Variants in IMMP2L observed in about 807,000 individuals in gnomAD.
IMMP2L encodes mitochondrial inner membrane protease subunit 2.
Under a neutral mutation model 19.3 loss-of-function variants are expected in IMMP2L, and 18 were observed. That is an observed-to-expected ratio of 0.93 (90% CI 0.64 to 1.38). The LOEUF is 1.38. Among genes scored for constraint, IMMP2L ranks in the 40% most tolerant of loss-of-function variants. The pLI is 0.00. For synonymous variants in IMMP2L, 76 were observed against 73.0 expected, an observed-to-expected ratio of 1.04 and a Z score of -0.21; for missense variants, 233 against 218.2, an observed-to-expected ratio of 1.07 and a Z score of -0.43.
chr7:111,530,093 C>T (rs779312221), intron 1 of IMMP2L, among the ~76,000 whole-genome samples: 22 of 152,104 alleles, frequency 1.4e-4, no homozygotes, highest in Non-Finnish European at 3.2e-4. Flanking sequence ...ACCTGGTGGG[C>T]TTTGAATCCA....
chr7:110,875,966 T>A (rs1246035648), intron 5 of IMMP2L, among the ~76,000 whole-genome samples: 2 of 152,130 alleles, frequency 1.3e-5, no homozygotes, highest in Non-Finnish European at 2.9e-5. Flanking sequence ...TACAGTAACT[T>A]CATTTAAAGG....
chr7:111,539,461 G>C (rs994397658), intron 1 of IMMP2L, among the ~76,000 whole-genome samples: 1 of 151,938 alleles, frequency 6.6e-6, no homozygotes, highest in Admixed American at 6.6e-5. Context: ...CCAATTAACA[G>C]CTGATTTTTA....
intron 3 of IMMP2L, among the ~76,000 whole-genome samples, chr7:111,109,770 C>T (rs559082809): frequency 7.9e-5 from 12 of 152,248 alleles, no homozygotes; most frequent in Admixed American, 5.2e-4. Context: ...ACTGTGACTA[C>T]TATCGCTGTT....
At chr7:111,230,316 T>C (rs1813578038) in intron 3 of IMMP2L, among the ~76,000 whole-genome samples, 1 of 152,050 alleles carries the variant, frequency 6.6e-6, no homozygotes, top group Non-Finnish European at 1.5e-5. Flanking sequence ...AAGTATTTAC[T>C]GAGGTCTGAT....
chr7:110,666,231 G>C (rs1032293903), intron 5 of IMMP2L, among the ~76,000 whole-genome samples: 7 of 152,058 alleles, frequency 4.6e-5, no homozygotes, highest in Middle Eastern at 3.4e-3. Flanking sequence ...TGCTCCCCCT[G>C]AGATCAGACA....
intron 5 of IMMP2L, among the ~76,000 whole-genome samples, chr7:110,841,015 T>C (rs1054845881): frequency 2.0e-5 from 3 of 152,020 alleles, no homozygotes; most frequent in East Asian, 3.9e-4. Context: ...AAAAGGATAC[T>C]AGTTAATGGT....
intron 5 of IMMP2L, among the ~76,000 whole-genome samples, chr7:110,838,667 A>C (rs945884630): frequency 2.6e-5 from 4 of 152,152 alleles, no homozygotes; most frequent in Non-Finnish European, 5.9e-5. Flanking sequence ...TGACAACTCA[A>C]CCTTGGCCTT....
chr7:110,874,570 T>G (rs1194967228), intron 5 of IMMP2L, among the ~76,000 whole-genome samples: 1 of 152,046 alleles, frequency 6.6e-6, no homozygotes, highest in Admixed American at 6.6e-5. Context: ...AAAACAGTAG[T>G]TCAAATAATG....
intron 5 of IMMP2L, among the ~76,000 whole-genome samples, chr7:110,669,242 A>C (rs1297891169): frequency 1.3e-5 from 2 of 152,144 alleles, no homozygotes; most frequent in Non-Finnish European, 2.9e-5. Context: ...AGTTCGTTGC[A>C]GTTCGAGTCC....
In IMMP2L at chr7:111,484,083, A is replaced by C. The variant is rs187958662; in HGVS notation, c.239+3155T>G. 5.6e-4 allele frequency among the ~76,000 whole-genome samples: 85 copies of C among 152,296 alleles called. 2 individuals carry two copies. The highest frequency in any genetic ancestry group is 1.9e-3 in the African/African-American group (79 of 41,564). ...TTCTCTATTTATGACTTGTAATGATAATGTCTTTCTGCCCTTGCATCCACA... is the reference window on the plus strand; with the variant it reads ...TTCTCTATTTATGACTTGTAATGATCATGTCTTTCTGCCCTTGCATCCACA... On this transcript the variant is annotated intron_variant, in intron 3 of 5. Transcript: ENST00000405709.
intron 3 of IMMP2L, among the ~76,000 whole-genome samples, chr7:111,160,491 T>A (rs1236606951): frequency 6.6e-6 from 1 of 151,950 alleles, no homozygotes; most frequent in Non-Finnish European, 1.5e-5. Context: ...TCATTTTGCA[T>A]ATAAGTGAGT....
intron 3 of IMMP2L, among the ~76,000 whole-genome samples, chr7:111,416,386 G>A (rs1237259899): frequency 6.6e-6 from 1 of 151,682 alleles, no homozygotes; most frequent in Admixed American, 6.6e-5. Context: ...AAATATTCAG[G>A]AATTACTGTC....
intron 3 of IMMP2L, among the ~76,000 whole-genome samples, chr7:110,967,165 G>A (rs2129556052): frequency 6.6e-6 from 1 of 152,056 alleles, no homozygotes; most frequent in Non-Finnish European, 1.5e-5. Context: ...TGTGTGGTAT[G>A]GCAGAGAATG....
intron 3 of IMMP2L, among the ~76,000 whole-genome samples, chr7:111,218,046 C>G (rs889650759): frequency 4.6e-5 from 7 of 151,906 alleles, no homozygotes; most frequent in African/African-American, 1.7e-4. Context: ...AAGTAAAAAT[C>G]AAAGGATTCT....
At chr7:111,529,353 C>T (rs1440487153) in intron 1 of IMMP2L, among the ~76,000 whole-genome samples, 1 of 152,166 alleles carries the variant, frequency 6.6e-6, no homozygotes, top group Non-Finnish European at 1.5e-5. Context: ...TTTGGTTCCA[C>T]TGGAAGCAGA....
At chr7:110,816,351 T>A (rs1479607006) in intron 5 of IMMP2L, among the ~76,000 whole-genome samples, 1 of 152,102 alleles carries the variant, frequency 6.6e-6, no homozygotes, top group Non-Finnish European at 1.5e-5. Context: ...TAATTTCTGT[T>A]CTTTTACATT....
chr7:110,884,860 GA>G (rs1319634709), intron 5 of IMMP2L, among the ~76,000 whole-genome samples: 1 of 151,336 alleles, frequency 6.6e-6, no homozygotes, highest in Non-Finnish European at 1.5e-5. Flanking sequence ...ATTGCAACTA[GA>G]AAAAAAAGAA....
chr7:110,723,408 G>A (rs918800238), intron 5 of IMMP2L, among the ~76,000 whole-genome samples: 3 of 152,178 alleles, frequency 2.0e-5, no homozygotes, highest in African/African-American at 7.2e-5. Flanking sequence ...TTGCTCACAA[G>A]CAAACAGAAA....
At chr7:111,094,663 C>A (rs984712153) in intron 3 of IMMP2L, among the ~76,000 whole-genome samples, 2 of 152,146 alleles carry the variant, frequency 1.3e-5, no homozygotes, top group African/African-American at 2.4e-5. Flanking sequence ...TGTATAACAA[C>A]TGAACATAGC....
Sources: allele counts gnomAD v4.1 joint callset (sites outside exome capture counted in the v4.1 genomes callset), GRCh38; gene constraint gnomAD v4.1.1; transcripts MANE v1.5; gene names NCBI Gene and HGNC (gene_info 2026-07-23, HGNC 2026-07-21).